Variants in AUTS2 observed in about 807,000 individuals in gnomAD.
AUTS2 encodes the protein autism susceptibility gene 2 protein.
A neutral mutation model predicts 112.4 loss-of-function variants in AUTS2; 17 were observed. The ratio of observed to expected loss-of-function variants is 0.15; its 90% CI spans 0.10 to 0.23. The LOEUF (loss-of-function observed/expected upper bound fraction) is 0.23, where lower values mean the gene tolerates loss of function less well. Among genes scored for constraint, AUTS2 ranks in the 10% least tolerant of loss-of-function variants. The probability of loss-of-function intolerance (pLI) is 1.00; values close to 1 mark genes in which losing one functional copy is unlikely to be tolerated. For missense variants in AUTS2, 1,510 were observed against 1,701.6 expected, an observed-to-expected ratio of 0.89 and a Z score of 1.98; for synonymous variants, 751 against 702.7, an observed-to-expected ratio of 1.07 and a Z score of -1.09.
At chr7:70,397,124 C>T (rs960742775) in intron 4 of AUTS2, among the ~76,000 whole-genome samples, 1 of 151,248 alleles carries the variant, frequency 6.6e-6, no homozygotes, top group Non-Finnish European at 1.5e-5. Flanking sequence ...AGCTCAATGG[C>T]ACGATCTCGG....
chr7:70,452,913 T>G (rs886739996), intron 5 of AUTS2, among the ~76,000 whole-genome samples: 1 of 152,146 alleles, frequency 6.6e-6, no homozygotes, highest in African/African-American at 2.4e-5. Context: ...TAGAGGAGGC[T>G]TTTAACTTAA....
At chr7:70,421,047 G>A (rs1040774435) in intron 4 of AUTS2, among the ~76,000 whole-genome samples, 8 of 152,176 alleles carry the variant, frequency 5.3e-5, no homozygotes, top group African/African-American at 1.9e-4. Context: ...CAAACATTCA[G>A]GGGGAATTGT....
chr7:70,250,532 C>G (rs778529637), intron 4 of AUTS2, among the ~76,000 whole-genome samples: 10 of 152,190 alleles, frequency 6.6e-5, no homozygotes, highest in Non-Finnish European at 1.2e-4. Context: ...CAGAATGAAA[C>G]TACAAAATTC....
At chr7:70,745,512 C>G (rs1454406868) in intron 6 of AUTS2, among the ~76,000 whole-genome samples, 1 of 152,124 alleles carries the variant, frequency 6.6e-6, no homozygotes, top group Non-Finnish European at 1.5e-5. Context: ...TAACAATTCC[C>G]AGGGTAGCAG....
intron 1 of AUTS2, among the ~76,000 whole-genome samples, chr7:69,704,539 A>G (rs1199769428): frequency 6.6e-6 from 1 of 151,950 alleles, no homozygotes; most frequent in African/African-American, 2.4e-5. Context: ...CGGCCTCCCA[A>G]AGTACAGGCA....
At chr7:70,788,554 C>G (rs1791668401) in intron 18 of AUTS2, among the ~76,000 whole-genome samples, 1 of 152,226 alleles carries the variant, frequency 6.6e-6, no homozygotes. Flanking sequence ...GCCGCGAGCT[C>G]TCTGTACACA....
rs944946977 is a variant in AUTS2 at position 70,626,531 on chromosome 7, T to G, written c.691-72038T>G. 1.8e-4 allele frequency among the ~76,000 whole-genome samples: 27 copies of G among 152,064 alleles called. 1 individual carries two copies. Among genetic ancestry groups the G allele is most frequent in the Non-Finnish European group, 2.9e-5 (2 of 68,026 alleles). On this transcript the variant is annotated intron_variant, in intron 5 of 18. Coordinates refer to ENST00000342771, the MANE Select transcript of AUTS2 (RefSeq NM_015570.4). ...TTTTTAAAAAATTTCCACTTTTATT[T>G]TAGATTTAGGGGCTACATGTGCAGG...
At chr7:70,457,370 A>T (rs1047588234) in intron 5 of AUTS2, among the ~76,000 whole-genome samples, 1 of 152,080 alleles carries the variant, frequency 6.6e-6, no homozygotes, top group African/African-American at 2.4e-5. Context: ...ATCACCGAGG[A>T]TCATGATTTC....
At chr7:70,604,615 C>T (rs546448718) in intron 5 of AUTS2, among the ~76,000 whole-genome samples, 8 of 152,366 alleles carry the variant, frequency 5.3e-5, no homozygotes, top group Admixed American at 2.0e-4. Flanking sequence ...AATTAGAGAA[C>T]GTCAGAGCTT....
At chr7:70,517,443 T>C (rs1354780791) in intron 5 of AUTS2, among the ~76,000 whole-genome samples, 1 of 152,050 alleles carries the variant, frequency 6.6e-6, no homozygotes, top group Non-Finnish European at 1.5e-5. Flanking sequence ...ATGATACAAA[T>C]TGGAGTTGAC....
At chr7:70,548,010 G>A (rs923450998) in intron 5 of AUTS2, among the ~76,000 whole-genome samples, 3 of 152,172 alleles carry the variant, frequency 2.0e-5, no homozygotes, top group African/African-American at 7.2e-5. Context: ...TATGGTTGTA[G>A]TTTGTATTTC....
At chr7:70,252,534 C>A (rs992145067) in intron 4 of AUTS2, among the ~76,000 whole-genome samples, 1 of 152,070 alleles carries the variant, frequency 6.6e-6, no homozygotes, top group Non-Finnish European at 1.5e-5. Context: ...CAAATATTTT[C>A]TCCCAATCTG....
chr7:69,828,267 T>C (rs1181468242), intron 1 of AUTS2, among the ~76,000 whole-genome samples: 1 of 152,218 alleles, frequency 6.6e-6, no homozygotes, highest in Admixed American at 6.5e-5. Flanking sequence ...AGGGGAAATC[T>C]TGTGTGGGCA....
chr7:69,795,941 A>G (rs1329624951), intron 1 of AUTS2, among the ~76,000 whole-genome samples: 1 of 152,164 alleles, frequency 6.6e-6, no homozygotes, highest in Non-Finnish European at 1.5e-5. Flanking sequence ...TTTCCATGTA[A>G]TTACTTTGTG....
At chr7:70,110,591 C>T (rs947589331) in intron 2 of AUTS2, among the ~76,000 whole-genome samples, 1 of 152,074 alleles carries the variant, frequency 6.6e-6, no homozygotes, top group Non-Finnish European at 1.5e-5. Context: ...GTCCACTGAA[C>T]CCCTTTAAAT....
chr7:70,511,316 C>T (rs1031290866), intron 5 of AUTS2, among the ~76,000 whole-genome samples: 6 of 152,042 alleles, frequency 3.9e-5, no homozygotes, highest in Non-Finnish European at 7.4e-5. Flanking sequence ...CATGCCACAC[C>T]GGCAATTTCC....
At chr7:69,863,824 A>C (rs956155355) in intron 1 of AUTS2, among the ~76,000 whole-genome samples, 2 of 152,208 alleles carry the variant, frequency 1.3e-5, no homozygotes, top group African/African-American at 4.8e-5. Flanking sequence ...AATGAAGCCC[A>C]GGGAGATACA....
At chr7:70,239,842 G>C (rs1462947324) in intron 4 of AUTS2, among the ~76,000 whole-genome samples, 3 of 152,162 alleles carry the variant, frequency 2.0e-5, no homozygotes, top group Non-Finnish European at 2.9e-5. Flanking sequence ...CTCTCTGTAA[G>C]GCAATGTACA....
At chr7:69,649,606 C>G (rs541127099) in intron 1 of AUTS2, among the ~76,000 whole-genome samples, 1 of 152,138 alleles carries the variant, frequency 6.6e-6, no homozygotes, top group South Asian at 2.1e-4. Context: ...TCCCTCATTC[C>G]TATGTATCTA....
Sources: gnomAD v4.1 joint callset for allele counts (sites outside exome capture counted in the v4.1 genomes callset) on GRCh38, gnomAD v4.1.1 for gene constraint, MANE v1.5 for transcripts, NCBI Gene and HGNC (gene_info 2026-07-23, HGNC 2026-07-21) for gene names.